Variants in MAML3 observed in about 807,000 individuals in gnomAD.
MAML3 encodes the protein mastermind-like protein 3.
In MAML3, 27 loss-of-function variants were observed where a neutral mutation model predicts 101.9. The ratio of observed to expected loss-of-function variants is 0.27; its 90% CI spans 0.20 to 0.37. MAML3 has a LOEUF of 0.37. Among genes scored for constraint, MAML3 ranks in the 10% least tolerant of loss-of-function variants. MAML3 has a pLI of 1.00. For missense variants in MAML3, 1,316 were observed against 1,444.9 expected, an observed-to-expected ratio of 0.91 and a Z score of 1.45; for synonymous variants, 501 against 555.9, an observed-to-expected ratio of 0.90 and a Z score of 1.39.
intron 2 of MAML3, among the ~76,000 whole-genome samples, chr4:139,808,249 T>G (rs75596547): frequency 0.021 from 3,157 of 152,350 alleles, 59 homozygotes; most frequent in Middle Eastern, 0.061. Context: ...ATCCATCCAT[T>G]CATTCTTCAA....
chr4:139,797,430 G>C (rs538114705), intron 2 of MAML3, among the ~76,000 whole-genome samples: 1 of 152,122 alleles, frequency 6.6e-6, no homozygotes, highest in Admixed American at 6.6e-5. Context: ...AATGGGCTGA[G>C]TTTTTTTCAA....
rs7671452 is a variant in MAML3, at chr4:139,778,173, A to G, written c.2080-47506T>C. ...ATGAAAAAATAAAATGATGAATAAA[A>G]GAATACCGTGATAAAAGTAGGTTGT... On this transcript the variant is annotated intron_variant, in intron 2 of 4. Transcript: ENST00000509479. Among the ~76,000 whole-genome samples, 918 of 152,382 alleles carry G rather than the reference A, an allele frequency of 6.0e-3. 7 individuals are homozygous for G. Among genetic ancestry groups the G allele is most frequent in the African/African-American group, 0.021 (870 of 41,596 alleles).
intron 2 of MAML3, chr4:139,794,572 G>A (rs1730478688): frequency 6.6e-6 from 1 of 152,236 alleles, no homozygotes. Context: ...CAATTCCTAT[G>A]CTCTAAAATG....
At chr4:139,930,411 C>T (rs771722117) in intron 1 of MAML3, among the ~76,000 whole-genome samples, 10 of 152,212 alleles carry the variant, frequency 6.6e-5, no homozygotes, top group South Asian at 2.1e-4. Context: ...AGTGCAAAGA[C>T]GAAGAGGAAC....
At chr4:140,035,167 T>A (rs1298492481) in intron 1 of MAML3, among the ~76,000 whole-genome samples, 1 of 150,938 alleles carries the variant, frequency 6.6e-6, no homozygotes, top group Non-Finnish European at 1.5e-5. Flanking sequence ...TGAGACAGGG[T>A]TTCACCATGT....
At position 139,716,765 on chromosome 4, in the gene MAML3, A is replaced by ATAT. The variant is rs1727984537; in HGVS notation, c.*2557_*2558insATA. The ATAT allele has an allele frequency of 6.6e-6, 1 of 152,476 alleles. No individual in the cohort carries two copies. The highest frequency in any genetic ancestry group is 2.4e-5 in the African/African-American group (1 of 41,462). 9.4% of individuals were successfully genotyped at this position (152,476 alleles called of 1,614,324 possible). On this transcript the variant is annotated 3_prime_UTR_variant, in exon 5 of 5. Coordinates refer to ENST00000509479, the MANE Select transcript of MAML3 (RefSeq NM_018717.5). ...ACTATACTTTGGATTGATTCAGATA[A>ATAT]TCTTTTATTTTTGTTTTTGTTTTCT...
intron 2 of MAML3, among the ~76,000 whole-genome samples, chr4:139,883,874 T>A (rs1005965337): frequency 9.3e-5 from 14 of 149,748 alleles, no homozygotes; most frequent in African/African-American, 1.7e-4. Flanking sequence ...TTTTTTTTTT[T>A]AAATAATTGC....
chr4:140,139,647 T>C (rs1398758303), intron 1 of MAML3, among the ~76,000 whole-genome samples: 1 of 152,226 alleles, frequency 6.6e-6, no homozygotes, highest in Admixed American at 6.5e-5. Flanking sequence ...GAATTAGAAA[T>C]TACATGTTTA....
intron 1 of MAML3, among the ~76,000 whole-genome samples, chr4:140,051,830 G>T (rs186714554): frequency 1.3e-5 from 2 of 151,962 alleles, no homozygotes; most frequent in African/African-American, 4.8e-5. Flanking sequence ...TTCATCCAAC[G>T]TCACAGAGCA....
At chr4:140,120,620 C>G (rs953100050) in intron 1 of MAML3, among the ~76,000 whole-genome samples, 1 of 152,150 alleles carries the variant, frequency 6.6e-6, no homozygotes, top group Non-Finnish European at 1.5e-5. Flanking sequence ...TATAGTTAGT[C>G]CATCAGAATT....
At chr4:139,858,228 C>T (rs1731703556) in intron 2 of MAML3, among the ~76,000 whole-genome samples, 1 of 152,192 alleles carries the variant, frequency 6.6e-6, no homozygotes, top group Admixed American at 6.5e-5. Context: ...AATTGGTGTG[C>T]TTTACACTGA....
At chr4:139,943,488 GGGGGATGGGCACACATGA>G (rs1327384523) in intron 1 of MAML3, among the ~76,000 whole-genome samples, 1 of 152,202 alleles carries the variant, frequency 6.6e-6, no homozygotes, top group Non-Finnish European at 1.5e-5. Flanking sequence ...GGTGGGTTAT[GGGGGATGGGCACACATGA>G]GGTTGGTTTA....
chr4:139,773,207 T>C (rs1730029668), intron 2 of MAML3, among the ~76,000 whole-genome samples: 1 of 152,072 alleles, frequency 6.6e-6, no homozygotes, highest in Admixed American at 6.5e-5. Flanking sequence ...TGGCTCACCA[T>C]ACGCTCATGA....
intron 1 of MAML3, among the ~76,000 whole-genome samples, chr4:140,008,569 A>G (rs72933783): frequency 7.3e-4 from 111 of 151,318 alleles, no homozygotes; most frequent in African/African-American, 2.5e-3. Flanking sequence ...TAAGAGATGA[A>G]AAAGCAAATG....
chr4:139,854,675 C>G (rs2111159025), intron 2 of MAML3, among the ~76,000 whole-genome samples: 1 of 152,126 alleles, frequency 6.6e-6, no homozygotes, highest in East Asian at 1.9e-4. Flanking sequence ...GACCACAGTC[C>G]CCAGTCCAGG....
At chr4:140,076,163 G>T (rs1727761995) in intron 1 of MAML3, among the ~76,000 whole-genome samples, 1 of 151,326 alleles carries the variant, frequency 6.6e-6, no homozygotes. Context: ...CACCACACCT[G>T]GCCCATTTAT....
rs780386515 is a variant in MAML3 at position 139,719,589 on chromosome 4, G to A, written c.3151C>T (p.Leu1051=). The change falls in exon 5 of 5, where the codon CTG becomes TTG. Residue 1051 remains leucine (L), a synonymous_variant. Transcript: ENST00000509479. ...SQARPMVMSG[L]SQGVPGMPAF... ...GGCATGCCTGGGACTCCCTGGCTCA[G>A]GCCAGACATGACCATTGGCCTCGCC... is the stretch of plus-strand genomic sequence containing the variant. 5 of 1,613,404 alleles carry A rather than the reference G, an allele frequency of 3.1e-6. No homozygotes were observed. The Admixed American group carries it at 8.3e-5, about 27-fold the overall frequency.
intron 1 of MAML3, among the ~76,000 whole-genome samples, chr4:139,896,826 A>C (rs10032788): frequency 0.84 from 127,617 of 152,084 alleles, 54,119 homozygotes; most frequent in South Asian, 0.92. Flanking sequence ...ACCTGTGGGG[A>C]AGGCTATGTG....
At chr4:139,848,125 A>C (rs1560812878) in intron 2 of MAML3, among the ~76,000 whole-genome samples, 1 of 152,354 alleles carries the variant, frequency 6.6e-6, no homozygotes, top group African/African-American at 2.4e-5. Flanking sequence ...TTGACAAAAG[A>C]AGCCCCCAAT....
Sources: allele counts gnomAD v4.1 joint callset (sites outside exome capture counted in the v4.1 genomes callset), GRCh38; gene constraint gnomAD v4.1.1; transcripts MANE v1.5; gene names NCBI Gene and HGNC (gene_info 2026-07-23, HGNC 2026-07-21).